PARN: variants seen among roughly 807,000 people sequenced by gnomAD.
The protein encoded by PARN is poly(A)-specific ribonuclease PARN.
PARN carries 71 observed loss-of-function variants against 102.8 expected under a neutral mutation model. That is an observed-to-expected ratio of 0.69 (90% CI 0.57 to 0.84). PARN has a LOEUF of 0.84. Ranked by LOEUF, PARN falls within the 40% of genes least tolerant of loss-of-function variation. PARN has a pLI of 0.00. For synonymous variants in PARN, 261 were observed against 252.9 expected (o/e 1.03, Z -0.30); for missense variants, 782 against 760.9 (o/e 1.03, Z -0.33).
rs997245356 is a variant in PARN at position 14,630,146 on chromosome 16, T to G, written c.-21A>C. 6.4e-7 allele frequency: 1 copy of G among 1,555,370 alleles called. No homozygotes were observed. The highest frequency in any genetic ancestry group is 8.7e-7 in the Non-Finnish European group (1 of 1,148,480). On this transcript the variant is annotated 5_prime_UTR_variant, in exon 1 of 24. Transcript: ENST00000437198. ...TCCATTCTGCAGAGTGGCCGGAACC[T>G]TGGCCCCACCCGGGCCCGCGCCCGC...
At chr16:14,604,286 G>C in intron 10 of PARN, 60 bp from the exon 11 acceptor site, 6 of 1,088,260 alleles carry the variant, frequency 5.5e-6, no homozygotes, top group Non-Finnish European at 8.1e-6. Flanking sequence ...TTGAGACAGA[G>C]TTTCGCTCTT....
intron 21 of PARN, among the ~76,000 whole-genome samples, chr16:14,502,228 G>A (rs1196791929): frequency 1.3e-5 from 2 of 152,180 alleles, no homozygotes; most frequent in Non-Finnish European, 2.9e-5. Context: ...GGGTGGGGAC[G>A]CTAAAGCTGA....
chr16:14,607,501 C>T (rs1971266991), intron 9 of PARN, among the ~76,000 whole-genome samples: 3 of 152,314 alleles, frequency 2.0e-5, no homozygotes, highest in South Asian at 4.1e-4. Flanking sequence ...AGCCACCGCG[C>T]CCGGCCTGAG....
At chr16:14,615,563 T>G (rs1374983554) in intron 6 of PARN, among the ~76,000 whole-genome samples, 1 of 151,918 alleles carries the variant, frequency 6.6e-6, no homozygotes, top group African/African-American at 2.4e-5. Flanking sequence ...CCTCCGAAGA[T>G]CAAAATCAGT....
intron 23 of PARN, among the ~76,000 whole-genome samples, chr16:14,441,470 T>A (rs559245669): frequency 1.3e-5 from 2 of 152,324 alleles, no homozygotes; most frequent in East Asian, 3.9e-4. Context: ...TCCCATTGTA[T>A]CCTCTTCCAC....
At chr16:14,606,842 C>T (rs975529958) in intron 9 of PARN, among the ~76,000 whole-genome samples, 16 of 149,598 alleles carry the variant, frequency 1.1e-4, no homozygotes, top group African/African-American at 3.0e-4. Flanking sequence ...AGGGCAGTGG[C>T]GCGATCTCGG....
At chr16:14,582,070 T>C (rs1362535975) in intron 17 of PARN, 111 bp downstream of exon 17, 8 of 758,038 alleles carry the variant, frequency 1.1e-5, no homozygotes, top group East Asian at 9.9e-5. Context: ...TAAATGTCTG[T>C]TGTTTAAGCC....
At chr16:14,491,580 A>C (rs1046932915) in intron 21 of PARN, among the ~76,000 whole-genome samples, 2 of 152,036 alleles carry the variant, frequency 1.3e-5, no homozygotes, top group African/African-American at 4.8e-5. Flanking sequence ...CCTGGACAAC[A>C]TAGTGTGACC....
At chr16:14,503,881 G>C (rs554674328) in intron 21 of PARN, among the ~76,000 whole-genome samples, 6 of 152,314 alleles carry the variant, frequency 3.9e-5, no homozygotes, top group Admixed American at 6.5e-5. Flanking sequence ...ATCATACAAT[G>C]CTGCAAGGAG....
intron 21 of PARN, among the ~76,000 whole-genome samples, chr16:14,518,291 C>CAAAAAAAAAAAAAAAAAAAAAAAAAA (rs34169116): frequency 1.9e-5 from 1 of 52,268 alleles, no homozygotes; most frequent in Non-Finnish European, 3.2e-5. Context: ...GACCCTGTCT[C>CAAAAAAAAAAAAAAAAAAAAAAAAAA]AAAAAAAAAA....
Position 14,563,522 on chromosome 16 carries a change from G to GTGTATA in PARN, c.1263-7814_1263-7813insTATACA, listed in dbSNP as rs1423811963. ...TGTGTGTGTGTGTGTGTGTGTGTGT[G>GTGTATA]TATATAATTCTTTTAAGTTCTGGGA... On this transcript the variant is annotated intron_variant, in intron 18 of 23. Coordinates refer to ENST00000437198, the MANE Select transcript of PARN (RefSeq NM_002582.4). Among the ~76,000 whole-genome samples, 138 of 149,266 alleles carry GTGTATA rather than the reference G, an allele frequency of 9.2e-4. 1 individual carries two copies. Among genetic ancestry groups the GTGTATA allele is most frequent in the African/African-American group, 3.3e-3 (133 of 40,398 alleles).
intron 22 of PARN, among the ~76,000 whole-genome samples, chr16:14,474,001 C>G (rs1055502183): frequency 6.6e-6 from 1 of 151,928 alleles, no homozygotes; most frequent in Non-Finnish European, 1.5e-5. Flanking sequence ...GCCAATGATT[C>G]TTTTTTTTCT....
At chr16:14,541,982 A>T (rs1192863847) in intron 21 of PARN, among the ~76,000 whole-genome samples, 2 of 151,956 alleles carry the variant, frequency 1.3e-5, no homozygotes, top group Admixed American at 6.6e-5. Flanking sequence ...CAACCCTCAG[A>T]TGATGCAGAT....
intron 21 of PARN, among the ~76,000 whole-genome samples, chr16:14,526,246 G>A (rs529014157): frequency 2.7e-5 from 4 of 149,548 alleles, no homozygotes; most frequent in African/African-American, 7.4e-5. Context: ...GTGCGATCTC[G>A]GCTCACTGCA....
chr16:14,551,196 T>C (rs1226647404), intron 21 of PARN, among the ~76,000 whole-genome samples: 3 of 151,788 alleles, frequency 2.0e-5, no homozygotes, highest in Non-Finnish European at 2.9e-5. Flanking sequence ...CCTCCCTAAG[T>C]GCTGGGATTA....
At chr16:14,584,451 G>C (rs1204854826) in intron 15 of PARN, 29 bp from the exon 16 acceptor site, 2 of 1,558,282 alleles carry the variant, frequency 1.3e-6, no homozygotes, top group East Asian at 2.2e-5. Context: ...AGAATTATGA[G>C]ATTTCATCAT....
intron 21 of PARN, among the ~76,000 whole-genome samples, chr16:14,535,721 G>C (rs1966578716): frequency 6.6e-6 from 1 of 152,156 alleles, no homozygotes; most frequent in Non-Finnish European, 1.5e-5. Context: ...CTTTTATTAA[G>C]AATATTGTTA....
At chr16:14,609,517 G>C (rs1971390651) in intron 7 of PARN, among the ~76,000 whole-genome samples, 1 of 152,156 alleles carries the variant, frequency 6.6e-6, no homozygotes, top group African/African-American at 2.4e-5. Context: ...GCTGCAGTGA[G>C]CTGTGATCGC....
intron 18 of PARN, among the ~76,000 whole-genome samples, chr16:14,573,215 G>A (rs901197787): frequency 1.3e-5 from 2 of 152,224 alleles, no homozygotes; most frequent in South Asian, 2.1e-4. Context: ...ACTAAAAATT[G>A]TATATATTGA....
Sources: gnomAD v4.1 joint callset for allele counts (sites outside exome capture counted in the v4.1 genomes callset) on GRCh38, gnomAD v4.1.1 for gene constraint, MANE v1.5 for transcripts, NCBI Gene and HGNC (gene_info 2026-07-23, HGNC 2026-07-21) for gene names.